Variants in PCDHGB7 observed in about 807,000 individuals in gnomAD.
PCDHGB7 encodes the protein protocadherin gamma-B7.
Under a neutral mutation model 61.4 loss-of-function variants are expected in PCDHGB7, and 37 were observed. The ratio of observed to expected loss-of-function variants is 0.60; its 90% CI spans 0.46 to 0.79. PCDHGB7 has a LOEUF of 0.79. Among genes scored for constraint, PCDHGB7 ranks in the 30% least tolerant of loss-of-function variants. The probability of loss-of-function intolerance (pLI) is 0.00; values close to 1 mark genes in which losing one functional copy is unlikely to be tolerated. For missense variants in PCDHGB7, 1,166 were observed against 1,202.5 expected (o/e 0.97, Z 0.45); for synonymous variants, 464 against 503.5 (o/e 0.92, Z 1.05).
intron 1 of PCDHGB7, among the ~76,000 whole-genome samples, chr5:141,472,400 G>A (rs2099279115): frequency 6.6e-6 from 1 of 152,024 alleles, no homozygotes; most frequent in East Asian, 1.9e-4. Flanking sequence ...AATTAGCCAG[G>A]CGTGGTGGCA....
rs781128524 is a variant in PCDHGB7 at position 141,419,522 on chromosome 5, C to T, written c.1663C>T (p.Arg555Cys). 1.5e-5 allele frequency: 24 copies of T among 1,612,178 alleles called. No homozygotes were observed. The highest frequency in any genetic ancestry group is 1.9e-5 in the Non-Finnish European group (22 of 1,179,494). The change falls in exon 1 of 4, where the codon CGT becomes TGT. Residue 555 changes from arginine to cysteine, a missense_variant. Physicochemically the swap from Arg to Cys is radical, Grantham distance 180. Transcript: ENST00000398594. ...GAGCCTGCGCGTGTTGGTGGGCGACCGTAACGACAACGCACCGCGGGTGCT... is the reference window on the plus strand; with the variant it reads ...GAGCCTGCGCGTGTTGGTGGGCGACTGTAACGACAACGCACCGCGGGTGCT... ...NVSLRVLVGD[R>C]NDNAPRVLYP...
In PCDHGB7 at chr5:141,490,274, A is replaced by G. The variant is rs1285515971; in HGVS notation, c.2416-4533A>G. The G allele has an allele frequency of 6.2e-7, 1 of 1,614,228 alleles. No individual in the cohort carries two copies. Among genetic ancestry groups the G allele is most frequent in the Non-Finnish European group, 8.5e-7 (1 of 1,180,038 alleles). On this transcript the variant is annotated intron_variant, in intron 1 of 3. Transcript: ENST00000398594. This position sits in a 1 kb window ranked among gnomAD's most constrained non-coding sequence, Gnocchi z 5.4. ...CAAGTGGATGTGGGGGATGTCAATGACAATGCCCCAGAGGTGCTATTGGCC... is the reference window on the plus strand; with the variant it reads ...CAAGTGGATGTGGGGGATGTCAATGGCAATGCCCCAGAGGTGCTATTGGCC...
Position 141,419,337 on chromosome 5 carries a change from C to A in PCDHGB7, c.1478C>A (p.Ala493Asp), listed in dbSNP as rs1283848400. 1 of 1,613,906 alleles carries A rather than the reference C, an allele frequency of 6.2e-7. No homozygotes were observed. The highest frequency in any genetic ancestry group is 1.1e-5 in the South Asian group (1 of 91,084). The change falls in exon 1 of 4, where the codon GCC becomes GAC. Residue 493 changes from alanine (A) to aspartate (D), a missense_variant. Transcript: ENST00000398594. ...GGCCGTGTCTCCTACTCTCTCATTG[C>A]CAGCGACCTGGAGTCACGAACGCTG... ...LNGRVSYSLIASDLESRTLSS... is the reference protein window; with the variant it reads ...LNGRVSYSLIDSDLESRTLSS...
chr5:141,449,040 C>A (rs1333983931), intron 1 of PCDHGB7, among the ~76,000 whole-genome samples: 2 of 152,126 alleles, frequency 1.3e-5, no homozygotes, highest in Non-Finnish European at 2.9e-5. Flanking sequence ...GGATTATTAA[C>A]CAGTCTCATA....
intron 2 of PCDHGB7, among the ~76,000 whole-genome samples, chr5:141,501,802 C>T (rs2099811151): frequency 1.3e-5 from 2 of 152,154 alleles, no homozygotes; most frequent in Non-Finnish European, 2.9e-5. Context: ...ATCTCTTACC[C>T]AGCTTCACAT....
At chr5:141,501,318 C>T (rs1273608837) in intron 2 of PCDHGB7, among the ~76,000 whole-genome samples, 1 of 151,766 alleles carries the variant, frequency 6.6e-6, no homozygotes, top group African/African-American at 2.4e-5. Flanking sequence ...CACACACACA[C>T]ACACACACAC....
intron 1 of PCDHGB7, chr5:141,421,442 A>G (rs769354611): frequency 1.7e-5 from 27 of 1,613,990 alleles, no homozygotes; most frequent in Non-Finnish European, 2.2e-5. Context: ...TCCAGAGGGA[A>G]GACACAGCTT....
At chr5:141,479,241 G>A (rs2099490987) in intron 1 of PCDHGB7, 1 of 152,174 alleles carries the variant, frequency 6.6e-6, no homozygotes, top group Non-Finnish European at 1.5e-5. Context: ...CAAACCCAAA[G>A]ATAACCATTT....
chr5:141,418,773 A>G lies in PCDHGB7; in HGVS notation c.914A>G (p.Gln305Arg). 1.2e-6 allele frequency: 2 copies of G among 1,613,904 alleles called. No homozygotes were observed. Among genetic ancestry groups the G allele is most frequent in the Non-Finnish European group, 1.7e-6 (2 of 1,179,796 alleles). Residue 305 changes from glutamine to arginine, a missense_variant, in exon 1 of 4, where the codon CAG becomes CGG. Coordinates refer to ENST00000398594, the MANE Select transcript of PCDHGB7 (RefSeq NM_018927.4). ...ACTACAGGAAACATTCTAACTCAGC[A>G]GCCTTTGGATTTTGAAGAAGTAGAA... ...DYTTGNILTQ[Q>R]PLDFEEVERY...
intron 1 of PCDHGB7, among the ~76,000 whole-genome samples, chr5:141,474,586 A>G (rs149003643): frequency 6.6e-6 from 1 of 152,222 alleles, no homozygotes; most frequent in Non-Finnish European, 1.5e-5. Flanking sequence ...AGTGTTAAAG[A>G]CATGGAAATA....
chr5:141,478,856 T>G (rs1372487685), intron 1 of PCDHGB7: 2 of 1,353,224 alleles, frequency 1.5e-6, no homozygotes, highest in Non-Finnish European at 2.0e-6. Flanking sequence ...AAACACAAGA[T>G]CTCAGCGATC....
chr5:141,472,980 C>CAAAAAAAAAAAAAAAAAAAA (rs60579131), intron 1 of PCDHGB7, among the ~76,000 whole-genome samples: 7 of 86,088 alleles, frequency 8.1e-5, no homozygotes, highest in South Asian at 4.3e-4. Flanking sequence ...GAGTGAAACT[C>CAAAAAAAAAAAAAAAAAAAA]AAAAAAAAAA....
intron 1 of PCDHGB7, chr5:141,426,887 G>C (rs1309180455): frequency 6.6e-6 from 3 of 456,646 alleles, no homozygotes; most frequent in South Asian, 4.6e-5. Context: ...TGGGCCAGGA[G>C]CAACAGAGCT....
intron 1 of PCDHGB7, among the ~76,000 whole-genome samples, chr5:141,450,823 A>ATTT: frequency 7.5e-6 from 1 of 133,136 alleles, no homozygotes; most frequent in African/African-American, 2.9e-5. Flanking sequence ...TAATATTATT[A>ATTT]TTATTATTTT....
intron 1 of PCDHGB7, among the ~76,000 whole-genome samples, chr5:141,483,907 C>T (rs545585133): frequency 6.0e-5 from 9 of 151,124 alleles, no homozygotes; most frequent in Non-Finnish European, 1.0e-4. Flanking sequence ...TGGTGTGTTT[C>T]CCACTCAGAT....
chr5:141,419,894 C>T lies in PCDHGB7; in HGVS notation c.2035C>T (p.Pro679Ser), dbSNP rs1590201850. 2 of 1,613,926 alleles carry T rather than the reference C, an allele frequency of 1.2e-6. No homozygotes were observed. Among genetic ancestry groups the T allele is most frequent in the East Asian group, 2.2e-5 (1 of 44,894 alleles). The change falls in exon 1 of 4, where the codon CCC (proline) becomes TCC (serine). Residue 679 changes from proline to serine, a missense_variant. Transcript: ENST00000398594. Reference protein sequence around the residue: ...QEVLPDFSDHPTPSDSQAEMQ... With the variant: ...QEVLPDFSDHSTPSDSQAEMQ... ...GGTACTGCCGGATTTCAGCGACCAT[C>T]CCACACCCTCTGACTCCCAGGCTGA...
chr5:141,433,555 G>C (rs1434189062), intron 1 of PCDHGB7, among the ~76,000 whole-genome samples: 1 of 152,088 alleles, frequency 6.6e-6, no homozygotes, highest in African/African-American at 2.4e-5. Flanking sequence ...TTCTTTTCTG[G>C]CTGGGCGCGG....
At chr5:141,470,182 G>A (rs540599468) in intron 1 of PCDHGB7, among the ~76,000 whole-genome samples, 1 of 152,262 alleles carries the variant, frequency 6.6e-6, no homozygotes, top group Non-Finnish European at 1.5e-5. Context: ...AAATATTCAA[G>A]TAAACTTCAG....
chr5:141,460,981 G>GTA (rs1491204135), intron 1 of PCDHGB7, among the ~76,000 whole-genome samples: 1,658 of 121,856 alleles, frequency 0.014, 27 homozygotes, highest in African/African-American at 0.051. Flanking sequence ...GTGTGTGTGT[G>GTA]TGTATATATA....
Sources: gnomAD v4.1 joint callset for allele counts (sites outside exome capture counted in the v4.1 genomes callset) on GRCh38, gnomAD v4.1.1 for gene constraint, Gnocchi (gnomAD v3.1) non-coding constraint, MANE v1.5 for transcripts, NCBI Gene and HGNC (gene_info 2026-07-23, HGNC 2026-07-21) for gene names.